The following CA8 variants were observed in gnomAD, a reference collection of about 807,000 sequenced individuals.
The protein encoded by CA8 is carbonic anhydrase-related protein.
CA8 carries 22 observed loss-of-function variants against 41.4 expected under a neutral mutation model. The observed-to-expected ratio is 0.53, with a 90% CI of 0.38 to 0.76. CA8 has a LOEUF of 0.76. CA8 is among the 30% of genes least tolerant of loss of function. CA8 has a pLI of 0.00. For synonymous variants in CA8, 121 were observed against 130.6 expected (o/e 0.93, Z 0.50); for missense variants, 270 against 352.8 (o/e 0.77, Z 1.88).
chr8:60,210,740 T>A (rs1806806979), intron 7 of CA8, among the ~76,000 whole-genome samples: 1 of 152,154 alleles, frequency 6.6e-6, no homozygotes, highest in African/African-American at 2.4e-5. Flanking sequence ...TCCTGTTTAG[T>A]TTTTTATTGT....
chr8:60,191,105 A>G (rs996900286), intron 8 of CA8, among the ~76,000 whole-genome samples: 2 of 151,860 alleles, frequency 1.3e-5, no homozygotes, highest in Middle Eastern at 3.4e-3. Flanking sequence ...CCACTCTACC[A>G]GGACCAAACT....
At chr8:60,264,242 A>G (rs1197797772) in intron 3 of CA8, among the ~76,000 whole-genome samples, 2 of 152,222 alleles carry the variant, frequency 1.3e-5, no homozygotes, top group Non-Finnish European at 2.9e-5. Context: ...TGTCACAAGC[A>G]AAGCCATGGA....
chr8:60,243,655 C>A, intron 3 of CA8, among the ~76,000 whole-genome samples: 1 of 152,112 alleles, frequency 6.6e-6, no homozygotes, highest in African/African-American at 2.4e-5. Context: ...AACTTCTCAC[C>A]ATGTTCCCCA....
chr8:60,211,905 A>G (rs576601622), intron 7 of CA8, among the ~76,000 whole-genome samples: 2 of 152,358 alleles, frequency 1.3e-5, no homozygotes, highest in East Asian at 3.9e-4. Context: ...AGAATAATAG[A>G]ATAATATTTC....
In CA8 at chr8:60,240,560, T is replaced by C. The variant is rs191133517; in HGVS notation, c.418-8181A>G. Among the ~76,000 whole-genome samples, 5 of 152,348 alleles carry C rather than the reference T, an allele frequency of 3.3e-5. No individual in the cohort carries two copies. The East Asian group carries it at 9.6e-4, about 29-fold the overall frequency. The stretch of plus-strand genomic sequence containing the variant: ...AATAATAAATATTCAATGCAGCCCA[T>C]GAACTCAGATGTAACTGGACCTGTA... On this transcript the variant is annotated intron_variant, in intron 3 of 8. Coordinates refer to ENST00000317995, the MANE Select transcript of CA8 (RefSeq NM_004056.6).
chr8:60,235,917 G>A (rs919293138), intron 3 of CA8, among the ~76,000 whole-genome samples: 3 of 152,146 alleles, frequency 2.0e-5, no homozygotes, highest in Non-Finnish European at 4.4e-5. Context: ...CTTTTTGACA[G>A]TACAGGGGCT....
intron 7 of CA8, among the ~76,000 whole-genome samples, chr8:60,219,057 C>T (rs527455050): frequency 6.6e-6 from 1 of 152,194 alleles, no homozygotes; most frequent in East Asian, 1.9e-4. Context: ...AGGAAGTTAT[C>T]AGCCTCAGGA....
At chr8:60,222,881 A>G in intron 6 of CA8, 120 bp from the exon 7 acceptor site, 1 of 718,212 alleles carries the variant, frequency 1.4e-6, no homozygotes, top group African/African-American at 1.7e-5. Context: ...GATGGATGTC[A>G]TTTTTAAACT....
rs1486441301 is a variant in CA8, at chr8:60,281,235, TG to T, written c.-89del. On this transcript the variant is annotated 5_prime_UTR_variant, in exon 1 of 9. Transcript: ENST00000317995. Reference sequence around the variant, plus strand: ...GGCTGGAGCCGGAGCGGAGCGCGCGTGGGGGAGTGTGAGCACGCGTGAGCGG... The same window carrying T: ...GGCTGGAGCCGGAGCGGAGCGCGCGTGGGGAGTGTGAGCACGCGTGAGCGG... 1.1e-6 allele frequency: 1 copy of T among 922,350 alleles called. No homozygotes were observed. The highest frequency in any genetic ancestry group is 1.7e-6 in the Non-Finnish European group (1 of 590,178). The allele number at this position is 922,350 out of a possible 1,614,324, so 57.1% of individuals were successfully genotyped here.
chr8:60,222,506 C>A, intron 7 of CA8, 143 bp downstream of exon 7: 2 of 690,368 alleles, frequency 2.9e-6, no homozygotes, highest in Non-Finnish European at 2.7e-6. Flanking sequence ...CAATCACTTT[C>A]ACTAGTTCAA....
chr8:60,247,429 T>C (rs1000370110), intron 3 of CA8, among the ~76,000 whole-genome samples: 3 of 152,128 alleles, frequency 2.0e-5, no homozygotes, highest in Admixed American at 1.3e-4. Flanking sequence ...CAACAGGCCA[T>C]GGTGTGTGTT....
intron 3 of CA8, among the ~76,000 whole-genome samples, chr8:60,258,058 C>T (rs1803608257): frequency 6.6e-6 from 1 of 152,188 alleles, no homozygotes; most frequent in Admixed American, 6.5e-5. Flanking sequence ...GCACGCCATG[C>T]TGCTACATCT....
At chr8:60,222,947 G>A (rs1470970232) in intron 6 of CA8, among the ~76,000 whole-genome samples, 186 bp from the exon 7 acceptor site, 2 of 152,188 alleles carry the variant, frequency 1.3e-5, no homozygotes, top group Admixed American at 1.3e-4. Context: ...TAAAAAGCAT[G>A]ATGAATTCTC....
At position 60,187,415 on chromosome 8, in the gene CA8, G is replaced by A. The variant is rs1805995090; in HGVS notation, c.*2606C>T. On this transcript the variant is annotated 3_prime_UTR_variant, in exon 9 of 9. Coordinates refer to ENST00000317995, the MANE Select transcript of CA8 (RefSeq NM_004056.6). ...CCTAACCTTCCACCTTAAAATACTG[G>A]AAAAGACACAAACTAAATACAAAGC... 6.6e-6 allele frequency: 1 copy of A among 151,854 alleles called. No homozygotes were observed. Among genetic ancestry groups the A allele is most frequent in the Non-Finnish European group, 1.5e-5 (1 of 67,908 alleles). The allele number at this position is 151,854 out of a possible 1,614,324, so 9.4% of individuals were successfully genotyped here.
chr8:60,244,919 G>C (rs561562721), intron 3 of CA8, among the ~76,000 whole-genome samples: 1 of 152,280 alleles, frequency 6.6e-6, no homozygotes, highest in Admixed American at 6.5e-5. Context: ...GGATGAGAAC[G>C]GTAGTTGGTC....
rs879354167 is a variant in CA8 at position 60,275,466 on chromosome 8, T to TA, written c.292+4222_292+4223insT. On this transcript the variant is annotated intron_variant, in intron 2 of 8. Coordinates refer to ENST00000317995, the MANE Select transcript of CA8 (RefSeq NM_004056.6). ...ATAAATACTGGATGTTGTATTTTTT[T>TA]TAAAAAAAAAGGTTTTTAATTGCAG... Among the ~76,000 whole-genome samples the TA allele has an allele frequency of 1.8e-3, 265 of 146,662 alleles. 1 individual carries two copies. The highest frequency in any genetic ancestry group is 6.0e-3 in the African/African-American group (235 of 38,924).
At chr8:60,254,047 T>A (rs963822471) in intron 3 of CA8, among the ~76,000 whole-genome samples, 6 of 152,216 alleles carry the variant, frequency 3.9e-5, no homozygotes, top group Admixed American at 6.5e-5. Context: ...GCTTCCTGAG[T>A]GTGTTTTGAA....
At chr8:60,233,310 A>G (rs1807722537) in intron 3 of CA8, among the ~76,000 whole-genome samples, 1 of 152,242 alleles carries the variant, frequency 6.6e-6, no homozygotes, top group Non-Finnish European at 1.5e-5. Flanking sequence ...TTTAGCATTT[A>G]TATTAAAATA....
intron 8 of CA8, among the ~76,000 whole-genome samples, chr8:60,206,742 C>T (rs1336042476): frequency 6.6e-6 from 1 of 152,064 alleles, no homozygotes; most frequent in Admixed American, 6.6e-5. Context: ...TTCTTTCTTC[C>T]TTCCCATTGC....
Sources: allele counts gnomAD v4.1 joint callset (sites outside exome capture counted in the v4.1 genomes callset), GRCh38; gene constraint gnomAD v4.1.1; transcripts MANE v1.5; gene names NCBI Gene and HGNC (gene_info 2026-07-23, HGNC 2026-07-21).